Variants in IGF2BP3 observed in about 807,000 individuals in gnomAD.
IGF2BP3 encodes the protein insulin-like growth factor 2 mRNA-binding protein 3.
A neutral mutation model predicts 73.8 loss-of-function variants in IGF2BP3; 9 were observed. The ratio of observed to expected loss-of-function variants is 0.12; its 90% CI spans 0.07 to 0.21. The LOEUF (loss-of-function observed/expected upper bound fraction) is 0.21, where lower values mean the gene tolerates loss of function less well. Among genes scored for constraint, IGF2BP3 ranks in the 10% least tolerant of loss-of-function variants. The pLI is 1.00. For synonymous variants in IGF2BP3, 258 were observed against 256.7 expected (o/e 1.01, Z -0.05); for missense variants, 542 against 714.0 (o/e 0.76, Z 2.75).
intron 5 of IGF2BP3, among the ~76,000 whole-genome samples, chr7:23,357,702 A>G (rs981573512): frequency 6.6e-6 from 1 of 152,224 alleles, no homozygotes; most frequent in African/African-American, 2.4e-5. Flanking sequence ...AAACTTGTCA[A>G]ATTTTTATTT....
chr7:23,426,567 A>C (rs970563414), intron 2 of IGF2BP3, among the ~76,000 whole-genome samples: 2 of 152,212 alleles, frequency 1.3e-5, no homozygotes, highest in African/African-American at 4.8e-5. Flanking sequence ...TTTGGATAAA[A>C]AACCAAAAAC....
chr7:23,333,060 G>A (rs1784482095), intron 10 of IGF2BP3, among the ~76,000 whole-genome samples: 1 of 152,046 alleles, frequency 6.6e-6, no homozygotes, highest in African/African-American at 2.4e-5. Flanking sequence ...TGTTTCCTGG[G>A]CTTTGTTCCA....
chr7:23,380,426 G>A (rs1785873588), intron 3 of IGF2BP3, among the ~76,000 whole-genome samples: 1 of 152,066 alleles, frequency 6.6e-6, no homozygotes, highest in Non-Finnish European at 1.5e-5. Context: ...GCCTCCCAAA[G>A]TGCTGGGGTT....
At chr7:23,395,582 C>T (rs574916871) in intron 3 of IGF2BP3, among the ~76,000 whole-genome samples, 9 of 151,282 alleles carry the variant, frequency 5.9e-5, no homozygotes, top group African/African-American at 9.7e-5. Context: ...GGCAATATGG[C>T]GAGACCCCAT....
chr7:23,319,325 A>G, intron 10 of IGF2BP3, 71 bp from the exon 11 acceptor site: 1 of 961,322 alleles, frequency 1.0e-6, no homozygotes. Context: ...CATTAGCTTT[A>G]GGAAGGACAC....
At chr7:23,345,663 T>C (rs879359052) in intron 8 of IGF2BP3, among the ~76,000 whole-genome samples, 1 of 152,266 alleles carries the variant, frequency 6.6e-6, no homozygotes, top group Admixed American at 6.5e-5. Flanking sequence ...AACTGGGTTA[T>C]ATATTCCAAC....
intron 3 of IGF2BP3, among the ~76,000 whole-genome samples, chr7:23,387,891 TG>T (rs1786137629): frequency 6.6e-6 from 1 of 152,202 alleles, no homozygotes; most frequent in African/African-American, 2.4e-5. Context: ...CTGGACCTGC[TG>T]GTGAGAACAT....
At chr7:23,348,833 A>T (rs1352510767) in intron 6 of IGF2BP3, among the ~76,000 whole-genome samples, 1 of 152,256 alleles carries the variant, frequency 6.6e-6, no homozygotes, top group African/African-American at 2.4e-5. Context: ...ATAGAAAATT[A>T]GAATTATCTA....
intron 3 of IGF2BP3, among the ~76,000 whole-genome samples, chr7:23,404,713 G>C (rs1301649407): frequency 6.8e-6 from 1 of 146,346 alleles, no homozygotes; most frequent in African/African-American, 2.5e-5. Context: ...ATTGTGTTTT[G>C]AGTAAGACAA....
intron 8 of IGF2BP3, 78 bp downstream of exon 8, chr7:23,345,862 G>A: frequency 1.3e-6 from 2 of 1,492,724 alleles, no homozygotes; most frequent in South Asian, 1.3e-5. Context: ...GCTGTAAAGT[G>A]GGAAGCTAAG....
intron 6 of IGF2BP3, 116 bp downstream of exon 6, chr7:23,351,189 T>C (rs1583920441): frequency 9.1e-7 from 1 of 1,095,568 alleles, no homozygotes; most frequent in Non-Finnish European, 1.3e-6. Context: ...CCAAGTACTG[T>C]ACAAGGAGTC....
At chr7:23,357,521 G>A (rs1562696914) in intron 5 of IGF2BP3, among the ~76,000 whole-genome samples, 1 of 152,098 alleles carries the variant, frequency 6.6e-6, no homozygotes, top group African/African-American at 2.4e-5. Flanking sequence ...TTATTTCTTT[G>A]TCACACATGA....
chr7:23,335,225 G>C (rs1381352324), intron 10 of IGF2BP3, among the ~76,000 whole-genome samples: 1 of 151,892 alleles, frequency 6.6e-6, no homozygotes, highest in Non-Finnish European at 1.5e-5. Flanking sequence ...GAAATCTTAA[G>C]GAGGAAGACT....
intron 3 of IGF2BP3, among the ~76,000 whole-genome samples, chr7:23,399,848 T>C (rs1786603323): frequency 6.6e-6 from 1 of 152,178 alleles, no homozygotes; most frequent in African/African-American, 2.4e-5. Flanking sequence ...TCTCAATGTG[T>C]GTATGTTTGA....
intron 3 of IGF2BP3, among the ~76,000 whole-genome samples, chr7:23,381,832 C>A (rs902125864): frequency 2.6e-5 from 4 of 152,146 alleles, no homozygotes; most frequent in Non-Finnish European, 4.4e-5. Flanking sequence ...GTCGGCCTCC[C>A]AAAGTGCTGG....
chr7:23,384,727 C>CA (rs979592477), intron 3 of IGF2BP3, among the ~76,000 whole-genome samples: 6 of 151,994 alleles, frequency 3.9e-5, no homozygotes, highest in African/African-American at 1.5e-4. Flanking sequence ...CCCGTCTCTA[C>CA]AAAAAATACA....
intron 3 of IGF2BP3, among the ~76,000 whole-genome samples, chr7:23,367,322 TC>T (rs1785406425): frequency 6.6e-6 from 1 of 152,050 alleles, no homozygotes; most frequent in South Asian, 2.1e-4. Flanking sequence ...AAGACAGTGT[TC>T]CTGTTACCTG....
chr7:23,343,138 T>C (rs1008404845), intron 9 of IGF2BP3, among the ~76,000 whole-genome samples: 2 of 152,242 alleles, frequency 1.3e-5, no homozygotes, highest in African/African-American at 4.8e-5. Flanking sequence ...TCAGATGCAC[T>C]ACACAGATTG....
chr7:23,329,464 C>T (rs747933423), intron 10 of IGF2BP3, among the ~76,000 whole-genome samples: 3 of 152,106 alleles, frequency 2.0e-5, no homozygotes, highest in Admixed American at 6.6e-5. Flanking sequence ...TACTGCAACA[C>T]GTTCTTAGAA....
Sources: gnomAD v4.1 joint callset for allele counts (sites outside exome capture counted in the v4.1 genomes callset) on GRCh38, gnomAD v4.1.1 for gene constraint, MANE v1.5 for transcripts, NCBI Gene and HGNC (gene_info 2026-07-23, HGNC 2026-07-21) for gene names.